WDR7: variants seen among roughly 807,000 people sequenced by gnomAD.
WDR7 encodes the protein WD repeat-containing protein 7.
Under a neutral mutation model 169.4 loss-of-function variants are expected in WDR7, and 46 were observed. That is an observed-to-expected ratio of 0.27 (90% confidence interval 0.21 to 0.35). The LOEUF (loss-of-function observed/expected upper bound fraction) is 0.35, where lower values mean the gene tolerates loss of function less well. Among genes scored for constraint, WDR7 ranks in the 10% least tolerant of loss-of-function variants. The pLI is 1.00. For synonymous variants in WDR7, 612 were observed against 666.8 expected (o/e 0.92, Z 1.27); for missense variants, 1,534 against 1,859.3 (o/e 0.83, Z 3.22).
At chr18:56,992,799 G>T (rs890118840) in intron 26 of WDR7, among the ~76,000 whole-genome samples, 14 of 152,276 alleles carry the variant, frequency 9.2e-5, no homozygotes, top group Middle Eastern at 3.4e-3. Context: ...CACTGAACTA[G>T]AAGTTCAGGG....
At chr18:57,021,220 G>C (rs905193160) in intron 27 of WDR7, among the ~76,000 whole-genome samples, 2 of 152,162 alleles carry the variant, frequency 1.3e-5, no homozygotes, top group Non-Finnish European at 2.9e-5. Context: ...CAGTGTTCAG[G>C]GTGGGTCAGG....
intron 19 of WDR7, among the ~76,000 whole-genome samples, chr18:56,813,360 G>A (rs967940265): frequency 4.6e-5 from 7 of 152,010 alleles, no homozygotes; most frequent in African/African-American, 1.2e-4. Flanking sequence ...TGATCATAGG[G>A]CAAAAGCATT....
chr18:56,881,143 CTT>C (rs909018491), intron 21 of WDR7, among the ~76,000 whole-genome samples: 1 of 152,166 alleles, frequency 6.6e-6, no homozygotes, highest in Admixed American at 6.5e-5. Flanking sequence ...ATGTTAGTGA[CTT>C]TTATTATAAA....
chr18:56,926,053 A>G (rs1354760305), intron 22 of WDR7, among the ~76,000 whole-genome samples: 2 of 152,320 alleles, frequency 1.3e-5, no homozygotes. Context: ...TGGTGATGCC[A>G]TTGTTAGGTC....
intron 26 of WDR7, among the ~76,000 whole-genome samples, chr18:56,988,387 C>G (rs1477420699): frequency 6.6e-6 from 1 of 152,164 alleles, no homozygotes; most frequent in South Asian, 2.1e-4. Flanking sequence ...CATTTCCTTG[C>G]CCACCTTCTC....
chr18:56,964,630 C>T (rs958024649), intron 26 of WDR7, among the ~76,000 whole-genome samples: 5 of 152,050 alleles, frequency 3.3e-5, no homozygotes, highest in African/African-American at 4.8e-5. Context: ...TCAAGTGATC[C>T]GCCCACCTCA....
At chr18:56,732,266 CAT>C (rs775343099) in intron 14 of WDR7, among the ~76,000 whole-genome samples, 3 of 152,090 alleles carry the variant, frequency 2.0e-5, no homozygotes, top group Non-Finnish European at 4.4e-5. Flanking sequence ...GTATTTGTGT[CAT>C]GTGGTATAAT....
chr18:56,958,221 C>G (rs888684309), intron 25 of WDR7, among the ~76,000 whole-genome samples: 5 of 152,136 alleles, frequency 3.3e-5, no homozygotes, highest in Non-Finnish European at 7.4e-5. Flanking sequence ...CCATCCCTCT[C>G]CGGGGTTTTG....
At chr18:56,774,997 T>C (rs959876314) in intron 16 of WDR7, among the ~76,000 whole-genome samples, 1 of 152,068 alleles carries the variant, frequency 6.6e-6, no homozygotes, top group African/African-American at 2.4e-5. Context: ...TTAAACAATA[T>C]TCTATTAAGA....
chr18:56,691,525 T>C (rs931885298), intron 8 of WDR7, among the ~76,000 whole-genome samples, 164 bp downstream of exon 8: 1 of 152,210 alleles, frequency 6.6e-6, no homozygotes, highest in Non-Finnish European at 1.5e-5. Flanking sequence ...AACTTCTAAG[T>C]GCAAAAATTA....
At chr18:56,749,529 A>T (rs1007895079) in intron 14 of WDR7, among the ~76,000 whole-genome samples, 4 of 152,014 alleles carry the variant, frequency 2.6e-5, no homozygotes, top group Non-Finnish European at 4.4e-5. Flanking sequence ...TTAGCATGAA[A>T]ATCAGCCTAT....
At chr18:56,776,341 T>C (rs2044242579) in intron 16 of WDR7, among the ~76,000 whole-genome samples, 1 of 152,118 alleles carries the variant, frequency 6.6e-6, no homozygotes, top group African/African-American at 2.4e-5. Flanking sequence ...GGTTTGAAAA[T>C]TTAAAAATAA....
At chr18:56,891,990 T>C (rs1158248247) in intron 21 of WDR7, among the ~76,000 whole-genome samples, 1 of 152,132 alleles carries the variant, frequency 6.6e-6, no homozygotes, top group African/African-American at 2.4e-5. Flanking sequence ...ATAATATATG[T>C]TGTATAACAG....
At chr18:56,843,294 A>T (rs942965051) in intron 20 of WDR7, among the ~76,000 whole-genome samples, 17 of 152,220 alleles carry the variant, frequency 1.1e-4, no homozygotes, top group Admixed American at 9.2e-4. Context: ...ATTGTTGTTC[A>T]GCCATCACCA....
intron 17 of WDR7, among the ~76,000 whole-genome samples, chr18:56,777,471 T>C (rs2044257819): frequency 6.6e-6 from 1 of 152,160 alleles, no homozygotes; most frequent in African/African-American, 2.4e-5. Flanking sequence ...TCTGTGGAGT[T>C]ACACAAGTCG....
intron 19 of WDR7, among the ~76,000 whole-genome samples, chr18:56,813,194 AT>A (rs2044905080): frequency 2.2e-5 from 3 of 138,948 alleles, no homozygotes; most frequent in African/African-American, 9.0e-5. Flanking sequence ...AAAAAAAAAC[AT>A]TAAAAAAAAA....
At chr18:56,773,496 G>T (rs1401952126) in intron 16 of WDR7, among the ~76,000 whole-genome samples, 1 of 152,132 alleles carries the variant, frequency 6.6e-6, no homozygotes, top group Admixed American at 6.5e-5. Flanking sequence ...ATTGGAAGGA[G>T]AATTAGTTTT....
intron 2 of WDR7, among the ~76,000 whole-genome samples, chr18:56,676,044 C>A (rs1020360511): frequency 1.3e-5 from 2 of 152,072 alleles, no homozygotes; most frequent in African/African-American, 2.4e-5. Context: ...CTTTATATAT[C>A]TGGGTGCTCT....
intron 20 of WDR7, among the ~76,000 whole-genome samples, chr18:56,862,076 A>G (rs1333123556): frequency 6.6e-6 from 1 of 152,092 alleles, no homozygotes; most frequent in African/African-American, 2.4e-5. Context: ...AAGCCTAAGT[A>G]TACGTAGTAG....
Sources: allele counts gnomAD v4.1 joint callset (sites outside exome capture counted in the v4.1 genomes callset), GRCh38; gene constraint gnomAD v4.1.1; transcripts MANE v1.5; gene names NCBI Gene and HGNC (gene_info 2026-07-23, HGNC 2026-07-21).